PTPRD: variants seen among roughly 807,000 people sequenced by gnomAD.
PTPRD encodes protein tyrosine phosphatase receptor type D, also known as receptor-type tyrosine-protein phosphatase delta.
In PTPRD, 34 loss-of-function variants were observed where a neutral mutation model predicts 214.5. The observed-to-expected ratio is 0.16, with a 90% CI of 0.12 to 0.21. PTPRD has a LOEUF of 0.21. PTPRD is among the 10% of genes least tolerant of loss of function. PTPRD has a pLI of 1.00. For synonymous variants in PTPRD, 1,128 were observed against 845.7 expected (o/e 1.33, Z -5.79); for missense variants, 2,545 against 2,398.7 (o/e 1.06, Z -1.27).
At chr9:8,873,559 T>A (rs1273120279) in intron 11 of PTPRD, among the ~76,000 whole-genome samples, 1 of 152,216 alleles carries the variant, frequency 6.6e-6, no homozygotes, top group Non-Finnish European at 1.5e-5. Context: ...AAGTTTTGAC[T>A]TTTGAATGAG....
chr9:8,579,457 T>A (rs190500353), intron 14 of PTPRD, among the ~76,000 whole-genome samples: 25 of 152,232 alleles, frequency 1.6e-4, no homozygotes, highest in Admixed American at 5.2e-4. Flanking sequence ...CTGGTGACTG[T>A]TCATTCATTC....
chr9:10,461,910 C>T (rs2098961930), intron 2 of PTPRD, among the ~76,000 whole-genome samples: 1 of 152,234 alleles, frequency 6.6e-6, no homozygotes, highest in East Asian at 1.9e-4. Context: ...GCGTGAATCA[C>T]CACACCCGGT....
intron 9 of PTPRD, among the ~76,000 whole-genome samples, chr9:9,320,360 C>A (rs1468299051): frequency 2.0e-5 from 3 of 151,982 alleles, no homozygotes; most frequent in East Asian, 1.9e-4. Context: ...GGTGAGAACC[C>A]CATATACTGG....
At chr9:10,424,745 T>C (rs766295685) in intron 2 of PTPRD, among the ~76,000 whole-genome samples, 1 of 151,988 alleles carries the variant, frequency 6.6e-6, no homozygotes, top group Non-Finnish European at 1.5e-5. Context: ...ATGTGTTCAA[T>C]ATTCACTGCT....
chr9:10,092,268 G>A (rs1453724072), intron 3 of PTPRD, among the ~76,000 whole-genome samples: 1 of 151,326 alleles, frequency 6.6e-6, no homozygotes, highest in Non-Finnish European at 1.5e-5. Flanking sequence ...ATATATAATT[G>A]CAGATATGCT....
At chr9:9,535,238 G>C (rs1045664991) in intron 8 of PTPRD, among the ~76,000 whole-genome samples, 1 of 152,024 alleles carries the variant, frequency 6.6e-6, no homozygotes, top group East Asian at 1.9e-4. Flanking sequence ...TGAAAACTTT[G>C]ACTGAAGATG....
chr9:9,926,045 G>A (rs560569995), intron 5 of PTPRD, among the ~76,000 whole-genome samples: 2 of 152,034 alleles, frequency 1.3e-5, no homozygotes, highest in African/African-American at 2.4e-5. Context: ...TGCCCAGGCT[G>A]GTCTAGACTC....
chr9:8,805,854 G>A (rs995983429), intron 11 of PTPRD, among the ~76,000 whole-genome samples: 3 of 150,756 alleles, frequency 2.0e-5, no homozygotes, highest in South Asian at 2.1e-4. Context: ...AATAAGCCGG[G>A]CATGGTGGTG....
intron 19 of PTPRD, among the ~76,000 whole-genome samples, chr9:8,522,523 A>G (rs2097911828): frequency 6.6e-6 from 1 of 152,212 alleles, no homozygotes; most frequent in African/African-American, 2.4e-5. Flanking sequence ...AATCTTTTAA[A>G]AGGCTTTTTA....
At chr9:8,853,354 A>G (rs1461237112) in intron 11 of PTPRD, among the ~76,000 whole-genome samples, 1 of 152,196 alleles carries the variant, frequency 6.6e-6, no homozygotes, top group Non-Finnish European at 1.5e-5. Context: ...CACAAGTCAC[A>G]TATTCTTTTA....
At chr9:8,384,452 C>T (rs565894355) in intron 37 of PTPRD, among the ~76,000 whole-genome samples, 3 of 152,144 alleles carry the variant, frequency 2.0e-5, no homozygotes, top group African/African-American at 7.2e-5. Flanking sequence ...GTACATTCTA[C>T]AACAGCTTTA....
At chr9:8,964,738 T>C (rs2099181701) in intron 11 of PTPRD, among the ~76,000 whole-genome samples, 1 of 152,060 alleles carries the variant, frequency 6.6e-6, no homozygotes, top group Non-Finnish European at 1.5e-5. Context: ...ATCCCAGAGA[T>C]TTTGTTTTGT....
In PTPRD at chr9:9,641,989, A is replaced by G. The variant is rs1287354795; in HGVS notation, c.-286-67208T>C. On this transcript the variant is annotated intron_variant, in intron 7 of 45. Coordinates refer to ENST00000381196, the MANE Select transcript of PTPRD (RefSeq NM_002839.4). Reference sequence around the variant, plus strand: ...ACGTATGTTTATTGCGGCATTATTCACAATAGCAAAGACTTGGAACCAACC... The same window carrying G: ...ACGTATGTTTATTGCGGCATTATTCGCAATAGCAAAGACTTGGAACCAACC... Among the ~76,000 whole-genome samples the G allele has an allele frequency of 5.9e-5, 9 of 151,904 alleles. No individual in the cohort carries two copies. The East Asian group carries it at 1.4e-3, about 23-fold the overall frequency.
chr9:9,973,803 G>A (rs2095248409), intron 4 of PTPRD, among the ~76,000 whole-genome samples: 1 of 151,722 alleles, frequency 6.6e-6, no homozygotes, highest in South Asian at 2.1e-4. Flanking sequence ...ATTTTTATTT[G>A]TATTTTATTT....
intron 2 of PTPRD, among the ~76,000 whole-genome samples, chr9:10,500,517 T>C (rs1193596293): frequency 6.6e-6 from 1 of 151,906 alleles, no homozygotes; most frequent in African/African-American, 2.4e-5. Flanking sequence ...AGAGCACCCA[T>C]CCCATCAAGC....
chr9:10,510,837 C>G (rs963256382), intron 2 of PTPRD, among the ~76,000 whole-genome samples: 3 of 152,114 alleles, frequency 2.0e-5, no homozygotes, highest in East Asian at 1.9e-4. Context: ...ATTAACCAAC[C>G]CTTCTTCATC....
At chr9:8,952,663 G>A (rs1181780508) in intron 11 of PTPRD, among the ~76,000 whole-genome samples, 1 of 151,732 alleles carries the variant, frequency 6.6e-6, no homozygotes, top group African/African-American at 2.4e-5. Context: ...ATCAAGCAGG[G>A]GGCAGAGGTA....
chr9:8,697,860 C>A (rs1007758003), intron 12 of PTPRD, among the ~76,000 whole-genome samples: 5 of 152,080 alleles, frequency 3.3e-5, no homozygotes, highest in African/African-American at 1.2e-4. Flanking sequence ...TCAAAACTTT[C>A]TACCAGAGCA....
chr9:10,495,552 T>C (rs933151260), intron 2 of PTPRD, among the ~76,000 whole-genome samples: 2 of 151,916 alleles, frequency 1.3e-5, no homozygotes, highest in African/African-American at 4.8e-5. Flanking sequence ...TTTTACTATG[T>C]ACTATTCACT....
Sources: allele counts gnomAD v4.1 joint callset (sites outside exome capture counted in the v4.1 genomes callset), GRCh38; gene constraint gnomAD v4.1.1; transcripts MANE v1.5; gene names NCBI Gene and HGNC (gene_info 2026-07-23, HGNC 2026-07-21).